The following UBE2K variants were observed in gnomAD, a reference collection of about 807,000 sequenced individuals.
UBE2K encodes the protein ubiquitin conjugating enzyme E2 K.
UBE2K carries 6 observed loss-of-function variants against 30.0 expected under a neutral mutation model. The observed-to-expected ratio is 0.20, with a 90% confidence interval of 0.11 to 0.39. The LOEUF (loss-of-function observed/expected upper bound fraction) is 0.39, where lower values mean the gene tolerates loss of function less well. UBE2K is among the 10% of genes least tolerant of loss of function. The pLI is 1.00. For missense variants in UBE2K, 61 were observed against 241.6 expected, an observed-to-expected ratio of 0.25 and a Z score of 4.96; for synonymous variants, 86 against 83.7, an observed-to-expected ratio of 1.03 and a Z score of -0.15.
At chr4:39,758,051 C>T (rs558942310) in intron 4 of UBE2K, among the ~76,000 whole-genome samples, 1 of 152,180 alleles carries the variant, frequency 6.6e-6, no homozygotes, top group Admixed American at 6.5e-5. Context: ...CTTTACTTGA[C>T]TATATAACGA....
At chr4:39,726,947 C>G (rs967284127) in intron 1 of UBE2K, among the ~76,000 whole-genome samples, 2 of 152,114 alleles carry the variant, frequency 1.3e-5, no homozygotes, top group African/African-American at 2.4e-5. Flanking sequence ...GCAGCAAACC[C>G]CAGAATTCTG....
At chr4:39,766,521 T>C (rs912550987) in intron 4 of UBE2K, among the ~76,000 whole-genome samples, 1 of 151,990 alleles carries the variant, frequency 6.6e-6, no homozygotes, top group African/African-American at 2.4e-5. Context: ...TTATGTATTA[T>C]GGATATTAAG....
At chr4:39,739,463 G>C (rs866955545) in intron 2 of UBE2K, among the ~76,000 whole-genome samples, 2 of 24,868 alleles carry the variant, frequency 8.0e-5, no homozygotes, top group South Asian at 2.0e-3. Flanking sequence ...TTTTTTTTTT[G>C]GGAGACAGAG....
chr4:39,698,349 C>T lies in UBE2K; in HGVS notation c.22C>T (p.Arg8Ter). The change falls in exon 1 of 7, where the codon CGA becomes TGA. Residue 8 changes from arginine to a stop codon, truncating the protein, a stop_gained. Transcript: ENST00000261427. LOFTEE classifies it high-confidence loss of function. MANIAVQRIKREFKEVLK... is the reference protein window; with the variant it reads MANIAVQ ...AGACATGGCCAACATCGCGGTGCAGCGAATCAAGCGGGAGTTCAAGGAGGT... is the reference window on the plus strand; with the variant it reads ...AGACATGGCCAACATCGCGGTGCAGTGAATCAAGCGGGAGTTCAAGGAGGT... 1 of 1,613,102 alleles carries T rather than the reference C, an allele frequency of 6.2e-7. No homozygotes were observed. The highest frequency in any genetic ancestry group is 8.5e-7 in the Non-Finnish European group (1 of 1,179,714).
chr4:39,709,339 A>G (rs1388541247), intron 1 of UBE2K, among the ~76,000 whole-genome samples: 1 of 152,062 alleles, frequency 6.6e-6, no homozygotes, highest in Non-Finnish European at 1.5e-5. Flanking sequence ...GGGTTAAGGT[A>G]CTTCTAATAG....
intron 4 of UBE2K, 107 bp downstream of exon 4, chr4:39,755,846 T>G: frequency 1.4e-6 from 1 of 736,504 alleles, no homozygotes. Flanking sequence ...TTATCTTGTT[T>G]GGGCAGTAAC....
chr4:39,762,741 T>C (rs923236778), intron 4 of UBE2K, among the ~76,000 whole-genome samples: 1 of 152,148 alleles, frequency 6.6e-6, no homozygotes, highest in Admixed American at 6.5e-5. Flanking sequence ...TTCAAGCGAT[T>C]CTCCTGCCTC....
At chr4:39,704,928 A>G (rs940708466) in intron 1 of UBE2K, among the ~76,000 whole-genome samples, 7 of 146,502 alleles carry the variant, frequency 4.8e-5, no homozygotes, top group East Asian at 2.0e-4. Flanking sequence ...CTGGAGTGCA[A>G]TGCGCCATCT....
chr4:39,756,922 C>A (rs1721543979), intron 4 of UBE2K, among the ~76,000 whole-genome samples: 1 of 151,698 alleles, frequency 6.6e-6, no homozygotes, highest in Non-Finnish European at 1.5e-5. Flanking sequence ...GTTTAATGGG[C>A]CCAGCCTGGC....
chr4:39,712,035 T>G (rs1359594089), intron 1 of UBE2K, among the ~76,000 whole-genome samples: 1 of 150,018 alleles, frequency 6.7e-6, no homozygotes, highest in Non-Finnish European at 1.5e-5. Flanking sequence ...AGGGAGACTC[T>G]GTCTCAAAAA....
intron 2 of UBE2K, among the ~76,000 whole-genome samples, chr4:39,743,430 T>C (rs1049151792): frequency 3.3e-4 from 50 of 152,174 alleles, no homozygotes; most frequent in African/African-American, 9.6e-4. Context: ...GGTGAAACCC[T>C]GTCTCTACTA....
intron 1 of UBE2K, among the ~76,000 whole-genome samples, chr4:39,726,237 C>T (rs1719744781): frequency 6.6e-6 from 1 of 152,182 alleles, no homozygotes; most frequent in Non-Finnish European, 1.5e-5. Context: ...CTCAGGTGTT[C>T]TACCTGCCTT....
chr4:39,753,414 CAT>C (rs926890599), intron 3 of UBE2K, among the ~76,000 whole-genome samples: 1 of 152,166 alleles, frequency 6.6e-6, no homozygotes, highest in Non-Finnish European at 1.5e-5. Context: ...ACTTAGCTTG[CAT>C]TGTATTTGAT....
At chr4:39,704,940 G>T (rs953216710) in intron 1 of UBE2K, among the ~76,000 whole-genome samples, 1 of 148,512 alleles carries the variant, frequency 6.7e-6, no homozygotes, top group Non-Finnish European at 1.5e-5. Context: ...GCGCCATCTC[G>T]GCTCACCGCA....
At chr4:39,728,317 T>G (rs980691801) in intron 1 of UBE2K, among the ~76,000 whole-genome samples, 6 of 152,156 alleles carry the variant, frequency 3.9e-5, no homozygotes, top group Non-Finnish European at 7.3e-5. Flanking sequence ...GTAAATTATA[T>G]ATAGATATTG....
In UBE2K at chr4:39,728,056, C is replaced by T. The variant is rs528038160; in HGVS notation, c.64-9364C>T. Reference sequence around the variant, plus strand: ...GGTTGAGACAGAAGAATCGCTTCAACCCGGGTGGTGGAGGTTGCAGTGAGC... The same window carrying T: ...GGTTGAGACAGAAGAATCGCTTCAATCCGGGTGGTGGAGGTTGCAGTGAGC... On this transcript the variant is annotated intron_variant, in intron 1 of 6. Transcript: ENST00000261427. Among the ~76,000 whole-genome samples, 115 of 152,124 alleles carry T rather than the reference C, an allele frequency of 7.6e-4. 2 individuals are homozygous for T. The highest frequency in any genetic ancestry group is 1.5e-3 in the Non-Finnish European group (102 of 68,010).
At chr4:39,740,828 A>C (rs1200468004) in intron 2 of UBE2K, among the ~76,000 whole-genome samples, 8 of 144,228 alleles carry the variant, frequency 5.5e-5, no homozygotes, top group Middle Eastern at 7.1e-3. Context: ...GTGCCATTGC[A>C]CTCCAGCCTG....
chr4:39,738,497 CTA>C (rs1346461169), intron 2 of UBE2K, among the ~76,000 whole-genome samples: 5 of 152,042 alleles, frequency 3.3e-5, no homozygotes, highest in Non-Finnish European at 7.4e-5. Flanking sequence ...TTTGTTTTAT[CTA>C]TTTTTTTATA....
intron 1 of UBE2K, among the ~76,000 whole-genome samples, chr4:39,715,168 G>A (rs1462132612): frequency 6.6e-6 from 1 of 151,728 alleles, no homozygotes; most frequent in Non-Finnish European, 1.5e-5. Flanking sequence ...TGGGACTACA[G>A]GCGCCCGCCA....
Sources: gnomAD v4.1 joint callset for allele counts (sites outside exome capture counted in the v4.1 genomes callset) on GRCh38, gnomAD v4.1.1 for gene constraint, MANE v1.5 for transcripts, NCBI Gene and HGNC (gene_info 2026-07-23, HGNC 2026-07-21) for gene names.